MYH9: variants seen among roughly 807,000 people sequenced by gnomAD.
MYH9 encodes the protein myosin heavy chain 9, also known as myosin-9.
In MYH9, 29 loss-of-function variants were observed where a neutral mutation model predicts 241.9. The ratio of observed to expected loss-of-function variants is 0.12; its 90% confidence interval spans 0.09 to 0.16. MYH9 has a LOEUF of 0.16. Ranked by LOEUF, MYH9 falls within the 10% of genes least tolerant of loss-of-function variation. MYH9 has a pLI of 1.00. For synonymous variants in MYH9, 1,047 were observed against 1,062.6 expected (o/e 0.99, Z 0.29); for missense variants, 1,803 against 2,595.5 (o/e 0.69, Z 6.63).
chr22:36,376,300 T>C (rs191302382), intron 1 of MYH9, among the ~76,000 whole-genome samples: 33 of 152,144 alleles, frequency 2.2e-4, no homozygotes, highest in African/African-American at 7.7e-4. Context: ...GAGACTGTGA[T>C]GGGACCCAGA....
In MYH9 at chr22:36,328,136, A is replaced by G. The variant is rs556311723; in HGVS notation, c.491-648T>C. ...GTGTCTGGCAAGTGGAAGGCGTGCAATGATGTCACTTTAGAGGCAGCTTGT... is the reference window on the plus strand; with the variant it reads ...GTGTCTGGCAAGTGGAAGGCGTGCAGTGATGTCACTTTAGAGGCAGCTTGT... On this transcript the variant is annotated intron_variant, in intron 3 of 40. Coordinates refer to ENST00000216181, the MANE Select transcript of MYH9 (RefSeq NM_002473.6). 1.8e-4 allele frequency among the ~76,000 whole-genome samples: 28 copies of G among 152,342 alleles called. No homozygotes were observed. In the South Asian group the frequency reaches 3.3e-3, roughly 18 times the overall value.
rs191308252 is a variant in MYH9 at position 36,300,102 on chromosome 22, G to T, written c.2976+25C>A. The T allele has an allele frequency of 6.2e-7, 1 of 1,607,478 alleles. No homozygotes were observed. Among genetic ancestry groups the T allele is most frequent in the South Asian group, 1.1e-5 (1 of 91,080 alleles). ...CCATCCACGGCGCCCCTGGAGCAGC[G>T]GCAGGCGACAGCCACGGGCCTCACC... is the stretch of plus-strand genomic sequence containing the variant. On this transcript the variant is annotated intron_variant, in intron 23 of 40. Coordinates refer to ENST00000216181, the MANE Select transcript of MYH9 (RefSeq NM_002473.6). The surrounding 1 kb of genome is among the most constrained non-coding windows in gnomAD (Gnocchi z 5.0).
At chr22:36,313,565 C>T (rs113411272) in intron 13 of MYH9, among the ~76,000 whole-genome samples, 2,946 of 152,092 alleles carry the variant, frequency 0.019, 93 homozygotes, top group African/African-American at 0.067. Context: ...CCAACCTCTA[C>T]CTGGCAAGAG....
intron 1 of MYH9, among the ~76,000 whole-genome samples, chr22:36,362,054 G>A (rs1250286706): frequency 1.3e-5 from 2 of 152,172 alleles, no homozygotes; most frequent in African/African-American, 2.4e-5. Context: ...GGGGGACAGA[G>A]CGAGACTCTG....
intron 1 of MYH9, among the ~76,000 whole-genome samples, chr22:36,368,302 C>T (rs139250534): frequency 1.3e-5 from 2 of 152,174 alleles, no homozygotes; most frequent in Admixed American, 6.6e-5. Flanking sequence ...AGTGGTATCC[C>T]GTTTTGCAGA....
chr22:36,300,704 C>T lies in MYH9; in HGVS notation c.2838+147G>A. ...TCACAAACTACCAGCCCAAAGGGAA[C>T]ACCTCTCACTGAGAGCCCCAAGCAG... is the stretch of plus-strand genomic sequence containing the variant. On this transcript the variant is annotated intron_variant, in intron 22 of 40. Coordinates refer to ENST00000216181, the MANE Select transcript of MYH9 (RefSeq NM_002473.6). The surrounding 1 kb of genome is among the most constrained non-coding windows in gnomAD (Gnocchi z 5.0). 1 of 875,356 alleles carries T rather than the reference C, an allele frequency of 1.1e-6. No homozygotes were observed. Among genetic ancestry groups the T allele is most frequent in the Non-Finnish European group, 1.8e-6 (1 of 547,660 alleles). 54.2% of individuals were successfully genotyped at this position (875,356 alleles called of 1,614,324 possible). A position where few individuals can be genotyped will look rare whatever the true frequency, so the allele number is the denominator to read the frequency against.
rs375322236 is a variant in MYH9 at position 36,286,822 on chromosome 22, C to T, written c.4957G>A (p.Glu1653Lys). ...CGAGAGGCGCGGGTGTCATCCAGCT[C>T]GCGCATGCAGTCCTTCATCTGGGCC... is the stretch of plus-strand genomic sequence containing the variant. ...LQAQMKDCMR[E>K]LDDTRASREE... The change falls in exon 35 of 41, where the codon GAG (glutamate) becomes AAG (lysine). Residue 1653 changes from glutamate (E) to lysine (K), a missense_variant. By Grantham distance (56) the Glu-to-Lys change is moderately conservative. Transcript: ENST00000216181. 1 of 1,610,178 alleles carries T rather than the reference C, an allele frequency of 6.2e-7. No homozygotes were observed. Among genetic ancestry groups the T allele is most frequent in the Admixed American group, 1.7e-5 (1 of 60,030 alleles).
intron 1 of MYH9, among the ~76,000 whole-genome samples, chr22:36,370,529 G>A (rs1045265337): frequency 6.6e-6 from 1 of 152,268 alleles, no homozygotes; most frequent in African/African-American, 2.4e-5. Flanking sequence ...AGTGGCATAA[G>A]CGAAGCATTT....
chr22:36,305,092 G>C lies in MYH9; in HGVS notation c.2170C>G (p.Leu724Val). The change falls in exon 18 of 41, where the codon CTG becomes GTG. Residue 724 changes from leucine to valine, a missense_variant. Physicochemically the swap from Leu to Val is conservative, Grantham distance 32 (BLOSUM62 1). This residue lies in a region of MYH9 where 163 missense variants were observed against 349.7 expected (regional missense o/e 0.47). Coordinates refer to ENST00000216181, the MANE Select transcript of MYH9 (RefSeq NM_002473.6). The surrounding 1 kb of genome is among the most constrained non-coding windows in gnomAD (Gnocchi z 4.7). ...CCCTTGGGAATGGAGTTTGGAGTCA[G>C]GATCTCATATCTGAGGAAGGAAAGA... is the stretch of plus-strand genomic sequence containing the variant. ...FQEFRQRYEI[L>V]TPNSIPKGFM... 1 of 1,613,854 alleles carries C rather than the reference G, an allele frequency of 6.2e-7. No homozygotes were observed. The highest frequency in any genetic ancestry group is 8.5e-7 in the Non-Finnish European group (1 of 1,179,746).
At chr22:36,291,522 C>T (rs1268100594) in intron 31 of MYH9, among the ~76,000 whole-genome samples, 2 of 151,772 alleles carry the variant, frequency 1.3e-5, no homozygotes, top group Admixed American at 6.6e-5. Flanking sequence ...TCTCAAGTAC[C>T]CAGGGACACA....
intron 2 of MYH9, among the ~76,000 whole-genome samples, chr22:36,342,037 C>A (rs2017599125): frequency 6.6e-6 from 1 of 152,220 alleles, no homozygotes; most frequent in Non-Finnish European, 1.5e-5. Context: ...CAATTAGATC[C>A]TTTGTGGGAT....
At chr22:36,297,051 C>A (rs1479883947) in intron 24 of MYH9, 37 bp from the exon 25 acceptor site, 1 of 1,608,424 alleles carries the variant, frequency 6.2e-7, no homozygotes, top group African/African-American at 1.3e-5. Flanking sequence ...CCCTCAGTGC[C>A]ATGGGTTCTG....
At chr22:36,355,959 TA>T (rs2017849255) in intron 1 of MYH9, among the ~76,000 whole-genome samples, 1 of 152,170 alleles carries the variant, frequency 6.6e-6, no homozygotes, top group Non-Finnish European at 1.5e-5. Context: ...TGCTGGGTGC[TA>T]AAAGTAAGAA....
intron 31 of MYH9, among the ~76,000 whole-genome samples, chr22:36,291,327 G>C (rs949189050): frequency 1.2e-4 from 18 of 152,248 alleles, no homozygotes; most frequent in African/African-American, 4.3e-4. Context: ...TCATTTTGTT[G>C]TGTACAAGAA....
In MYH9 at chr22:36,288,285, C is replaced by T. The variant is rs5756130; in HGVS notation, c.4899G>A (p.Arg1633=). The change falls in exon 34 of 41, where the codon CGG becomes CGA. Residue 1633 remains arginine (R), a synonymous_variant. Coordinates refer to ENST00000216181, the MANE Select transcript of MYH9 (RefSeq NM_002473.6). The surrounding 1 kb of genome is among the most constrained non-coding windows in gnomAD (Gnocchi z 4.8). ...TCCGCAGCTGTTTGATGGCTTCGTC[C>T]CGGTTCTTGTTGGCCGAGTCGATGT... ...EAHIDSANKN[R]DEAIKQLRKL... 86,817 of 1,614,018 alleles carry T rather than the reference C, an allele frequency of 0.054. 2,962 individuals are homozygous for T. The highest frequency in any genetic ancestry group is 0.12 in the African/African-American group (9,182 of 75,004).
At chr22:36,378,695 C>A (rs1399004277) in intron 1 of MYH9, among the ~76,000 whole-genome samples, 2 of 152,062 alleles carry the variant, frequency 1.3e-5, no homozygotes, top group Non-Finnish European at 2.9e-5. Flanking sequence ...ACACTTCCCA[C>A]CCCATTCCTT....
In MYH9 at chr22:36,320,108, C is replaced by T; in HGVS notation, c.1012+112G>A. ...CCCATACACTGAAGGCCTTCCCCTT[C>T]CCCTGGCCTCTAGCAGGCTCCCCAG... is the stretch of plus-strand genomic sequence containing the variant. On this transcript the variant is annotated intron_variant, in intron 9 of 40. Transcript: ENST00000216181. This position sits in a 1 kb window ranked among gnomAD's most constrained non-coding sequence, Gnocchi z 4.8. 1 of 1,465,104 alleles carries T rather than the reference C, an allele frequency of 6.8e-7. No individual in the cohort carries two copies. Among genetic ancestry groups the T allele is most frequent in the Non-Finnish European group, 9.5e-7 (1 of 1,054,788 alleles). The allele number at this position is 1,465,104 out of a possible 1,614,324, so 90.8% of individuals were successfully genotyped here. A position where few individuals can be genotyped will look rare whatever the true frequency, so the allele number is the denominator to read the frequency against.
At chr22:36,381,297 T>C (rs1235625160) in intron 1 of MYH9, among the ~76,000 whole-genome samples, 1 of 151,996 alleles carries the variant, frequency 6.6e-6, no homozygotes, top group Non-Finnish European at 1.5e-5. Context: ...GGTGGATCAC[T>C]TGAAGTCAGG....
intron 24 of MYH9, among the ~76,000 whole-genome samples, chr22:36,298,431 C>T (rs559818309): frequency 3.4e-4 from 51 of 152,180 alleles, no homozygotes; most frequent in Non-Finnish European, 6.5e-4. Context: ...TAGGACTTTA[C>T]GGTACATATG....
Sources: gnomAD v4.1 joint callset for allele counts (sites outside exome capture counted in the v4.1 genomes callset) on GRCh38, gnomAD v4.1.1 for gene constraint, gnomAD v4.1.1 regional missense constraint, Gnocchi (gnomAD v3.1) non-coding constraint, MANE v1.5 for transcripts, NCBI Gene and HGNC (gene_info 2026-07-23, HGNC 2026-07-21) for gene names.